Variants in NRXN2 observed in about 807,000 individuals in gnomAD.
The protein encoded by NRXN2 is neurexin 2.
Under a neutral mutation model 128.8 loss-of-function variants are expected in NRXN2, and 29 were observed. That is an observed-to-expected ratio of 0.23 (90% CI 0.17 to 0.31). NRXN2 has a LOEUF of 0.31. NRXN2 is among the 10% of genes least tolerant of loss of function. The pLI, the probability that NRXN2 is intolerant of heterozygous loss-of-function variation, is 1.00. For synonymous variants in NRXN2, 1,098 were observed against 1,075.2 expected (o/e 1.02, Z -0.41); for missense variants, 1,881 against 2,452.6 (o/e 0.77, Z 4.92).
chr11:64,624,948 G>T (rs184364098), intron 20 of NRXN2, among the ~76,000 whole-genome samples: 2 of 152,310 alleles, frequency 1.3e-5, no homozygotes, highest in East Asian at 1.9e-4. Context: ...CTCACAACAT[G>T]CCTGTGAGGT....
intron 22 of NRXN2, among the ~76,000 whole-genome samples, chr11:64,614,626 G>C (rs2135286482): frequency 6.6e-6 from 1 of 152,380 alleles, no homozygotes; most frequent in East Asian, 1.9e-4. Flanking sequence ...CAGGGGCAGA[G>C]AGCCTGGCCT....
At position 64,607,024 on chromosome 11, in the gene NRXN2, G is replaced by A; in HGVS notation, c.*172C>T. 1.4e-6 allele frequency: 1 copy of A among 693,490 alleles called. No homozygotes were observed. Among genetic ancestry groups the A allele is most frequent in the Non-Finnish European group, 2.4e-6 (1 of 424,172 alleles). The allele number at this position is 693,490 out of a possible 1,614,324, so 43.0% of individuals were successfully genotyped here. ...GAGGCCGCGCAGTGGACGGCAGGAG[G>A]AAGGGGGCGAGCACGGGGTTTTTCC... On this transcript the variant is annotated 3_prime_UTR_variant, in exon 23 of 23. Coordinates refer to ENST00000265459, the MANE Select transcript of NRXN2 (RefSeq NM_015080.4).
chr11:64,667,579 G>T lies in NRXN2; in HGVS notation c.1469C>A (p.Ala490Asp). 1 of 1,614,238 alleles carries T rather than the reference G, an allele frequency of 6.2e-7. No homozygotes were observed. The highest frequency in any genetic ancestry group is 8.5e-7 in the Non-Finnish European group (1 of 1,180,052). Residue 490 changes from alanine (A) to aspartate (D), a missense_variant, in exon 9 of 23, where the codon GCT (alanine) becomes GAT (aspartate). Physicochemically the swap from Ala to Asp is moderately radical, Grantham distance 126. Transcript: ENST00000265459. This position sits in a 1 kb window ranked among gnomAD's most constrained non-coding sequence, Gnocchi z 5.6. ...CTCAAAGGTCACAGGGTCCAGGGCA[G>T]CCACATCCTCACAGCGGAATGACAA... The part of the protein sequence containing the change: ...GDLSFRCEDV[A>D]ALDPVTFESP...
intron 17 of NRXN2, chr11:64,642,441 A>G: frequency 6.9e-7 from 1 of 1,448,960 alleles, no homozygotes; most frequent in Admixed American, 2.4e-5. Flanking sequence ...CTCGGCGTGC[A>G]CAGCTGGGGT....
chr11:64,667,569 G>T lies in NRXN2; in HGVS notation c.1479C>A (p.Asp493Glu). 6.2e-7 allele frequency: 1 copy of T among 1,614,212 alleles called. No individual in the cohort carries two copies. Among genetic ancestry groups the T allele is most frequent in the South Asian group, 1.1e-5 (1 of 91,090 alleles). Reference sequence around the variant, plus strand: ...CCTCGGGACTCTCAAAGGTCACAGGGTCCAGGGCAGCCACATCCTCACAGC... The same window carrying T: ...CCTCGGGACTCTCAAAGGTCACAGGTTCCAGGGCAGCCACATCCTCACAGC... ...SFRCEDVAAL[D>E]PVTFESPEAF... The change falls in exon 9 of 23, where the codon GAC (aspartate) becomes GAA (glutamate). Residue 493 changes from aspartate (D) to glutamate (E), a missense_variant. By Grantham distance (45) the Asp-to-Glu change is conservative (BLOSUM62 2). This residue lies in a region of NRXN2 where 997 missense variants were observed against 1,240.8 expected (regional missense o/e 0.80). Coordinates refer to ENST00000265459, the MANE Select transcript of NRXN2 (RefSeq NM_015080.4). The surrounding 1 kb of genome is among the most constrained non-coding windows in gnomAD (Gnocchi z 5.6).
chr11:64,633,449 G>A (rs377582622), intron 18 of NRXN2, among the ~76,000 whole-genome samples: 12 of 152,228 alleles, frequency 7.9e-5, no homozygotes, highest in Admixed American at 2.6e-4. Flanking sequence ...AGACAGCTGC[G>A]GTGACTTGCA....
intron 17 of NRXN2, among the ~76,000 whole-genome samples, chr11:64,640,028 G>A (rs749566043): frequency 2.0e-5 from 3 of 152,092 alleles, no homozygotes; most frequent in Admixed American, 6.5e-5. Flanking sequence ...TTGGGCCCTC[G>A]TCCTTCCTCT....
chr11:64,642,905 G>A (rs1591724054), intron 17 of NRXN2: 3 of 1,030,424 alleles, frequency 2.9e-6, no homozygotes, highest in African/African-American at 1.7e-5. Context: ...CTCCGGGAGC[G>A]GGGTAGGGAT....
intron 6 of NRXN2, among the ~76,000 whole-genome samples, chr11:64,679,623 C>T (rs1157427100): frequency 1.3e-5 from 2 of 151,382 alleles, no homozygotes; most frequent in South Asian, 2.1e-4. Context: ...GGTGACAGAG[C>T]GAGACTCTGT....
intron 1 of NRXN2, among the ~76,000 whole-genome samples, chr11:64,722,096 T>A (rs1016892975): frequency 7.2e-5 from 11 of 152,026 alleles, no homozygotes; most frequent in African/African-American, 2.7e-4. Flanking sequence ...CAGGGAAGAT[T>A]GCTGCTTCAG....
intron 2 of NRXN2, among the ~76,000 whole-genome samples, chr11:64,704,624 A>ACAGAGG (rs1491232083): frequency 1.3e-3 from 21 of 16,698 alleles, no homozygotes; most frequent in African/African-American, 4.9e-3. Flanking sequence ...ACACACACAC[A>ACAGAGG]GAGAGAGAGA....
At chr11:64,609,301 C>T (rs932628848) in intron 22 of NRXN2, among the ~76,000 whole-genome samples, 1 of 152,080 alleles carries the variant, frequency 6.6e-6, no homozygotes, top group Non-Finnish European at 1.5e-5. Context: ...CTGGCCAGGG[C>T]TTGACTGCCT....
At chr11:64,657,492 T>A (rs1308298500) in intron 11 of NRXN2, among the ~76,000 whole-genome samples, 1 of 151,412 alleles carries the variant, frequency 6.6e-6, no homozygotes, top group Non-Finnish European at 1.5e-5. Flanking sequence ...ACTATGGGTC[T>A]TGCATCTACA....
At chr11:64,709,381 C>A (rs917991335) in intron 2 of NRXN2, among the ~76,000 whole-genome samples, 6 of 151,956 alleles carry the variant, frequency 3.9e-5, no homozygotes, top group African/African-American at 1.5e-4. Flanking sequence ...ACCATGGGAG[C>A]CCATGCCTTT....
chr11:64,697,846 G>T, intron 2 of NRXN2, 54 bp from the exon 3 acceptor site: 1 of 1,607,892 alleles, frequency 6.2e-7, no homozygotes, highest in Non-Finnish European at 8.5e-7. Flanking sequence ...GAAAAAGGAG[G>T]GCTGTTAGCA....
Position 64,713,279 on chromosome 11 carries a change from G to C in NRXN2, c.421C>G (p.Arg141Gly). ...EARAAEVRSK[R>G]REMQVASDLF... ...TCGCTGGCCACCTGCATCTCGCGCC[G>C]CTTGGAGCGCACCTCGGCGGCGCGG... Residue 141 changes from arginine to glycine, a missense_variant, in exon 2 of 23, where the codon CGG (arginine) becomes GGG (glycine). Transcript: ENST00000265459. The C allele has an allele frequency of 1.4e-6, 2 of 1,401,442 alleles. No homozygotes were observed. The highest frequency in any genetic ancestry group is 1.9e-6 in the Non-Finnish European group (2 of 1,079,548). 86.8% of individuals were successfully genotyped at this position (1,401,442 alleles called of 1,614,324 possible). A position where few individuals can be genotyped will look rare whatever the true frequency, so the allele number is the denominator to read the frequency against.
rs1035909092 is a variant in NRXN2, at chr11:64,680,159, C to T, written c.1153-3122G>A. ...ACACCAACTGTAGGAATTCACCAGG[C>T]AGAAAGGAGAGCCTCGGGACAAAAC... On this transcript the variant is annotated intron_variant, in intron 6 of 22. Coordinates refer to ENST00000265459, the MANE Select transcript of NRXN2 (RefSeq NM_015080.4). Among the ~76,000 whole-genome samples, 3 of 152,154 alleles carry T rather than the reference C, an allele frequency of 2.0e-5. No homozygotes were observed. The East Asian group carries it at 5.8e-4, about 29-fold the overall frequency.
chr11:64,675,789 CA>C, intron 7 of NRXN2: 1 of 154,116 alleles, frequency 6.5e-6, no homozygotes, highest in Non-Finnish European at 1.5e-5. Context: ...TCACCAGGCT[CA>C]AAAACCCACA....
rs200782089 is a variant in NRXN2, at chr11:64,667,895, T to TGTCTTCTGTCCC, written c.1360-208_1360-207insGGGACAGAAGAC. On this transcript the variant is annotated intron_variant, in intron 8 of 22. Coordinates refer to ENST00000265459, the MANE Select transcript of NRXN2 (RefSeq NM_015080.4). The surrounding 1 kb of genome is among the most constrained non-coding windows in gnomAD (Gnocchi z 5.6). The stretch of plus-strand genomic sequence containing the variant: ...CACCTCCCTTGCCCGTCCTCTGTCC[T>TGTCTTCTGTCCC]GTCTTCTGGCCCAGCAGGAGCATGG... Among the ~76,000 whole-genome samples, 1,178 of 152,334 alleles carry TGTCTTCTGTCCC rather than the reference T, an allele frequency of 7.7e-3. 13 individuals carry two copies. Among genetic ancestry groups the TGTCTTCTGTCCC allele is most frequent in the African/African-American group, 0.026 (1,067 of 41,564 alleles).
Sources: allele counts gnomAD v4.1 joint callset (sites outside exome capture counted in the v4.1 genomes callset), GRCh38; gene constraint gnomAD v4.1.1; regional missense constraint gnomAD v4.1.1; non-coding constraint Gnocchi (gnomAD v3.1); transcripts MANE v1.5; gene names NCBI Gene and HGNC (gene_info 2026-07-23, HGNC 2026-07-21).